Variants in CNTNAP2 observed in about 807,000 individuals in gnomAD.
The protein encoded by CNTNAP2 is contactin associated protein 2, also known as contactin-associated protein-like 2.
CNTNAP2 carries 98 observed loss-of-function variants against 155.2 expected under a neutral mutation model. The observed-to-expected ratio is 0.63, with a 90% CI of 0.54 to 0.75. The LOEUF is 0.75. Ranked by LOEUF, CNTNAP2 falls within the 30% of genes least tolerant of loss-of-function variation. The pLI, the probability that CNTNAP2 is intolerant of heterozygous loss-of-function variation, is 0.00. For missense variants in CNTNAP2, 1,727 were observed against 1,688.1 expected (o/e 1.02, Z -0.40); for synonymous variants, 651 against 631.2 (o/e 1.03, Z -0.47).
At chr7:146,923,712 G>A (rs999406742) in intron 3 of CNTNAP2, among the ~76,000 whole-genome samples, 14 of 152,108 alleles carry the variant, frequency 9.2e-5, no homozygotes, top group South Asian at 4.1e-4. Flanking sequence ...TATCGCATTC[G>A]TCATTATAAT....
At chr7:147,437,319 A>G (rs1797566808) in intron 10 of CNTNAP2, among the ~76,000 whole-genome samples, 1 of 152,136 alleles carries the variant, frequency 6.6e-6, no homozygotes, top group African/African-American at 2.4e-5. Context: ...GGCTGCATAG[A>G]GCTTTTTCTG....
chr7:147,622,895 AG>A lies in CNTNAP2; in HGVS notation c.1898-16210del, dbSNP rs527725254. 1.2e-3 allele frequency among the ~76,000 whole-genome samples: 177 copies of A among 152,194 alleles called. 1 individual carries two copies. Among genetic ancestry groups the A allele is most frequent in the Non-Finnish European group, 2.0e-3 (136 of 67,924 alleles). ...AGCCTTTAGCCAGACTAGGAAAAAAAGATCCAAATAAATAAAATTGGAGATG... is the reference window on the plus strand; with the variant it reads ...AGCCTTTAGCCAGACTAGGAAAAAAAATCCAAATAAATAAAATTGGAGATG... On this transcript the variant is annotated intron_variant, in intron 12 of 23. Coordinates refer to ENST00000361727, the MANE Select transcript of CNTNAP2 (RefSeq NM_014141.6).
intron 21 of CNTNAP2, among the ~76,000 whole-genome samples, chr7:148,339,042 T>C (rs1417234093): frequency 6.6e-6 from 1 of 152,236 alleles, no homozygotes; most frequent in Non-Finnish European, 1.5e-5. Context: ...ACCCAGTCTC[T>C]GTGTCTCTCT....
intron 8 of CNTNAP2, among the ~76,000 whole-genome samples, chr7:147,144,392 A>G (rs1801658844): frequency 6.6e-6 from 1 of 152,202 alleles, no homozygotes; most frequent in Non-Finnish European, 1.5e-5. Flanking sequence ...TACACATACT[A>G]CACTTCCAGC....
chr7:147,792,798 A>G (rs1235707874), intron 13 of CNTNAP2, among the ~76,000 whole-genome samples: 1 of 152,096 alleles, frequency 6.6e-6, no homozygotes, highest in East Asian at 1.9e-4. Context: ...AAGCAGCTGC[A>G]CCATTTTACA....
At chr7:146,922,702 G>A (rs73172107) in intron 3 of CNTNAP2, among the ~76,000 whole-genome samples, 5,151 of 152,122 alleles carry the variant, frequency 0.034, 155 homozygotes, top group Non-Finnish European at 0.048. Flanking sequence ...TAATTCCTCT[G>A]ATTCTAATTT....
intron 21 of CNTNAP2, among the ~76,000 whole-genome samples, chr7:148,373,510 T>C (rs1798928119): frequency 6.6e-6 from 1 of 152,106 alleles, no homozygotes; most frequent in African/African-American, 2.4e-5. Flanking sequence ...AAAAAGCACA[T>C]TATGATAAAT....
chr7:148,141,656 C>T (rs1805073225), intron 16 of CNTNAP2, among the ~76,000 whole-genome samples: 1 of 152,140 alleles, frequency 6.6e-6, no homozygotes, highest in South Asian at 2.1e-4. Context: ...CTTCCTGAGG[C>T]CAGGACCACA....
intron 21 of CNTNAP2, among the ~76,000 whole-genome samples, chr7:148,331,411 T>TGGAC (rs1195835286): frequency 1.1e-5 from 1 of 90,716 alleles, no homozygotes. Context: ...ATGGATGGAA[T>TGGAC]GGATGGATGG....
intron 11 of CNTNAP2, among the ~76,000 whole-genome samples, chr7:147,499,570 C>G (rs1289696963): frequency 1.3e-5 from 2 of 152,102 alleles, no homozygotes; most frequent in Admixed American, 6.6e-5. Context: ...AGGTTAGCAA[C>G]TATGCCTAAA....
chr7:147,122,652 A>C (rs377519415), intron 6 of CNTNAP2: 1 of 152,208 alleles, frequency 6.6e-6, no homozygotes, highest in East Asian at 1.9e-4. Context: ...CAAAGACAGC[A>C]CATCATTAAA....
At chr7:147,641,126 C>G (rs1236855803) in intron 13 of CNTNAP2, among the ~76,000 whole-genome samples, 1 of 152,214 alleles carries the variant, frequency 6.6e-6, no homozygotes, top group Non-Finnish European at 1.5e-5. Flanking sequence ...CGGCCTGGCT[C>G]TAAGAGCGGG....
chr7:148,253,506 C>A (rs1449991582), intron 20 of CNTNAP2, among the ~76,000 whole-genome samples: 1 of 152,190 alleles, frequency 6.6e-6, no homozygotes, highest in Admixed American at 6.5e-5. Context: ...GCCTTGAGCC[C>A]AGCTGGGAAC....
intron 11 of CNTNAP2, among the ~76,000 whole-genome samples, chr7:147,523,437 G>A (rs904664066): frequency 3.3e-5 from 5 of 152,192 alleles, no homozygotes; most frequent in South Asian, 4.1e-4. Flanking sequence ...TAGGTCCAGC[G>A]AGTCTCAGAG....
chr7:146,238,240 G>A (rs1294391471), intron 1 of CNTNAP2, among the ~76,000 whole-genome samples: 1 of 152,146 alleles, frequency 6.6e-6, no homozygotes, highest in African/African-American at 2.4e-5. Context: ...CCGTCTTTAG[G>A]AAATAGGAAT....
intron 1 of CNTNAP2, among the ~76,000 whole-genome samples, chr7:146,641,514 T>A (rs1799707808): frequency 6.6e-6 from 1 of 152,204 alleles, no homozygotes; most frequent in African/African-American, 2.4e-5. Flanking sequence ...CTTTTTCCTC[T>A]TTGGATTTCT....
At chr7:148,371,437 A>G (rs538347834) in intron 21 of CNTNAP2, among the ~76,000 whole-genome samples, 40 of 152,308 alleles carry the variant, frequency 2.6e-4, no homozygotes, top group Non-Finnish European at 3.8e-4. Context: ...CCTTTGGCTC[A>G]CGATAATGTC....
intron 13 of CNTNAP2, among the ~76,000 whole-genome samples, chr7:147,670,207 G>A (rs1192759253): frequency 2.0e-5 from 3 of 151,960 alleles, no homozygotes; most frequent in South Asian, 2.1e-4. Flanking sequence ...TTAAATTTCC[G>A]GGTTCTTGAG....
chr7:146,890,832 T>C (rs968308075), intron 3 of CNTNAP2, among the ~76,000 whole-genome samples: 1 of 152,182 alleles, frequency 6.6e-6, no homozygotes, highest in Non-Finnish European at 1.5e-5. Context: ...CATACATCAT[T>C]ACTTGATATT....
Sources: allele counts gnomAD v4.1 joint callset (sites outside exome capture counted in the v4.1 genomes callset), GRCh38; gene constraint gnomAD v4.1.1; transcripts MANE v1.5; gene names NCBI Gene and HGNC (gene_info 2026-07-23, HGNC 2026-07-21).